PPARGC1A: variants seen among roughly 807,000 people sequenced by gnomAD.
PPARGC1A encodes the protein peroxisome proliferator-activated receptor gamma coactivator 1-alpha.
In PPARGC1A, 25 loss-of-function variants were observed where a neutral mutation model predicts 88.7. That is an observed-to-expected ratio of 0.28 (90% CI 0.21 to 0.39). PPARGC1A has a LOEUF of 0.39. PPARGC1A is among the 10% of genes least tolerant of loss of function. PPARGC1A has a pLI of 1.00. For synonymous variants in PPARGC1A, 363 were observed against 355.6 expected (o/e 1.02, Z -0.24); for missense variants, 880 against 968.7 (o/e 0.91, Z 1.22).
At chr4:24,350,473 G>A in the PPARGC1A span, among the ~76,000 whole-genome samples, 2 of 152,138 alleles carry the variant, frequency 1.3e-5, no homozygotes, top group Non-Finnish European at 2.9e-5. Context: ...AGGAGAAAAA[G>A]GAAGAGCAAG....
At chr4:24,107,167 A>C in the PPARGC1A span, among the ~76,000 whole-genome samples, 3 of 152,252 alleles carry the variant, frequency 2.0e-5, no homozygotes, top group South Asian at 4.1e-4. Context: ...ATAAAAGCAC[A>C]TTGCTATATT....
chr4:24,072,031 C>T, the PPARGC1A span, among the ~76,000 whole-genome samples: 2 of 151,328 alleles, frequency 1.3e-5, no homozygotes, highest in African/African-American at 4.8e-5. Context: ...ATATACACCT[C>T]TAAGAAATAG....
upstream of PPARGC1A, among the ~76,000 whole-genome samples, chr4:23,907,249 TA>T (rs2148893914): frequency 6.6e-6 from 1 of 152,256 alleles, no homozygotes; most frequent in African/African-American, 2.4e-5. Context: ...GAACGAAACA[TA>T]AACCACTGAT....
chr4:23,849,953 A>G (rs564095732), intron 2 of PPARGC1A, among the ~76,000 whole-genome samples: 1 of 152,112 alleles, frequency 6.6e-6, no homozygotes, highest in African/African-American at 2.4e-5. Flanking sequence ...ATAATTATTT[A>G]AATGTTGAAT....
At chr4:24,145,078 AGTGTGT>A in the PPARGC1A span, among the ~76,000 whole-genome samples, 1,933 of 144,292 alleles carry the variant, frequency 0.013, 52 homozygotes, top group African/African-American at 0.044. Flanking sequence ...GTGTTGAATG[AGTGTGT>A]GTGTGTGTGT....
At chr4:24,018,169 T>A in the PPARGC1A span, among the ~76,000 whole-genome samples, 1 of 152,208 alleles carries the variant, frequency 6.6e-6, no homozygotes, top group African/African-American at 2.4e-5. Context: ...CAATCATGTG[T>A]CCCTTCCAAA....
chr4:24,285,921 G>T, the PPARGC1A span, among the ~76,000 whole-genome samples: 1 of 152,190 alleles, frequency 6.6e-6, no homozygotes, highest in Non-Finnish European at 1.5e-5. Context: ...AGCAGTGGTT[G>T]CACTGAAGCT....
intron 2 of PPARGC1A, among the ~76,000 whole-genome samples, chr4:23,861,981 T>A (rs963552156): frequency 6.6e-6 from 1 of 152,198 alleles, no homozygotes; most frequent in Non-Finnish European, 1.5e-5. Flanking sequence ...TTGCCTTCCT[T>A]CTCAACCAAA....
chr4:24,340,734 T>G, the PPARGC1A span, among the ~76,000 whole-genome samples: 39 of 152,102 alleles, frequency 2.6e-4, no homozygotes, highest in Non-Finnish European at 5.4e-4. Context: ...TTCAAAAAGA[T>G]GGGAACGCAG....
At chr4:24,077,238 G>A in the PPARGC1A span, among the ~76,000 whole-genome samples, 1 of 152,044 alleles carries the variant, frequency 6.6e-6, no homozygotes, top group Admixed American at 6.6e-5. Context: ...CTAGACCCCA[G>A]ATCTTCCTCT....
intron 2 of PPARGC1A, among the ~76,000 whole-genome samples, chr4:23,838,278 A>G (rs1252526868): frequency 3.9e-5 from 6 of 152,114 alleles, no homozygotes; most frequent in African/African-American, 1.4e-4. Flanking sequence ...TTTATACCCA[A>G]GTGTGGGCAC....
chr4:24,415,663 A>T, the PPARGC1A span, among the ~76,000 whole-genome samples: 1 of 152,244 alleles, frequency 6.6e-6, no homozygotes, highest in African/African-American at 2.4e-5. Flanking sequence ...TTGATAAGTA[A>T]TGGCAATTAC....
the PPARGC1A span, among the ~76,000 whole-genome samples, chr4:24,034,569 A>G: frequency 4.2e-4 from 64 of 152,318 alleles, no homozygotes; most frequent in Admixed American, 8.5e-4. Context: ...ATTAGCTTCA[A>G]TGTAATATGG....
At chr4:24,453,855 C>T in the PPARGC1A span, among the ~76,000 whole-genome samples, 1 of 151,434 alleles carries the variant, frequency 6.6e-6, no homozygotes, top group African/African-American at 2.4e-5. Flanking sequence ...CCTCCACATA[C>T]CTGTCCTTAT....
At chr4:23,922,096 T>C in the PPARGC1A span, among the ~76,000 whole-genome samples, 6 of 152,344 alleles carry the variant, frequency 3.9e-5, 1 homozygote, top group East Asian at 9.6e-4. Flanking sequence ...TTTGACCTTA[T>C]GGAATTTGCA....
At chr4:24,385,288 C>A in the PPARGC1A span, among the ~76,000 whole-genome samples, 1 of 152,088 alleles carries the variant, frequency 6.6e-6, no homozygotes, top group Admixed American at 6.5e-5. Flanking sequence ...CAGGAGAAAG[C>A]AGGAAAGATC....
At chr4:23,916,981 G>A in the PPARGC1A span, among the ~76,000 whole-genome samples, 1 of 152,196 alleles carries the variant, frequency 6.6e-6, no homozygotes, top group Non-Finnish European at 1.5e-5. Flanking sequence ...AGGGGAAGGT[G>A]TTGTGGACTA....
the PPARGC1A span, among the ~76,000 whole-genome samples, chr4:24,118,826 T>A: frequency 1.3e-5 from 2 of 152,112 alleles, no homozygotes; most frequent in African/African-American, 4.8e-5. Flanking sequence ...CATAGAAAAT[T>A]AAGTGGAGGT....
chr4:24,002,852 C>T, the PPARGC1A span, among the ~76,000 whole-genome samples: 2 of 152,158 alleles, frequency 1.3e-5, no homozygotes, highest in African/African-American at 4.8e-5. Context: ...GTGACTTGTG[C>T]CAGTCATACA....
Sources: gnomAD v4.1 joint callset for allele counts (sites outside exome capture counted in the v4.1 genomes callset) on GRCh38, gnomAD v4.1.1 for gene constraint, MANE v1.5 for transcripts, NCBI Gene and HGNC (gene_info 2026-07-23, HGNC 2026-07-21) for gene names.